Variants in PRKN observed in about 807,000 individuals in gnomAD.
The protein encoded by PRKN is parkin RBR E3 ubiquitin protein ligase.
Under a neutral mutation model 59.5 loss-of-function variants are expected in PRKN, and 56 were observed. The ratio of observed to expected loss-of-function variants is 0.94; its 90% CI spans 0.76 to 1.18. PRKN has a LOEUF of 1.18. Ranked by LOEUF, PRKN falls within the 50% of genes most tolerant of loss-of-function variation. PRKN has a pLI of 0.00. For missense variants in PRKN, 657 were observed against 596.4 expected, an observed-to-expected ratio of 1.10 and a Z score of -1.06; for synonymous variants, 250 against 222.1, an observed-to-expected ratio of 1.13 and a Z score of -1.12.
intron 2 of PRKN, among the ~76,000 whole-genome samples, chr6:162,339,324 C>T (rs1260364121): frequency 7.1e-6 from 1 of 141,310 alleles, no homozygotes; most frequent in African/African-American, 2.6e-5. Context: ...CCAGCCGCGC[C>T]GTCTGGGAGG....
rs530307565 is a variant in PRKN at position 162,566,755 on chromosome 6, G to A, written c.8-123282C>T. Among the ~76,000 whole-genome samples, 4 of 152,224 alleles carry A rather than the reference G, an allele frequency of 2.6e-5. No homozygotes were observed. In the East Asian group the frequency reaches 7.7e-4, roughly 29 times the overall value. Reference sequence around the variant, plus strand: ...ACTCAAACTATTCCAAAAGACAGAGGAGGAGGGAATACTTCCAAACTTGTT... The same window carrying A: ...ACTCAAACTATTCCAAAAGACAGAGAAGGAGGGAATACTTCCAAACTTGTT... On this transcript the variant is annotated intron_variant, in intron 1 of 11. Coordinates refer to ENST00000366898, the MANE Select transcript of PRKN (RefSeq NM_004562.3).
chr6:161,439,300 C>T (rs1425203475), intron 9 of PRKN, among the ~76,000 whole-genome samples: 1 of 152,134 alleles, frequency 6.6e-6, no homozygotes, highest in South Asian at 2.1e-4. Flanking sequence ...ATCAAGAGGG[C>T]AGAGCCGGGA....
In PRKN at chr6:161,733,771, A is replaced by G. The variant is rs1245059190; in HGVS notation, c.871+52001T>C. ...TATTGTTGAAAATTCCCAGGGGGTG[A>G]AAAAAAAAAAAAATATATATATATA... On this transcript the variant is annotated intron_variant, in intron 7 of 11. Coordinates refer to ENST00000366898, the MANE Select transcript of PRKN (RefSeq NM_004562.3). 6.8e-4 allele frequency among the ~76,000 whole-genome samples: 33 copies of G among 48,640 alleles called. No homozygotes were observed. The East Asian group carries it at 0.014, about 20-fold the overall frequency. The allele number at this position is 48,640 out of a possible 152,430, so 31.9% of individuals were successfully genotyped here.
chr6:162,485,686 T>C (rs559322199), intron 1 of PRKN, among the ~76,000 whole-genome samples: 2 of 152,278 alleles, frequency 1.3e-5, no homozygotes, highest in East Asian at 3.9e-4. Flanking sequence ...CCCACTACAC[T>C]TGTCTTTACC....
chr6:161,477,289 G>T lies in PRKN; in HGVS notation c.1083+71565C>A, dbSNP rs13213352. 5.3e-5 allele frequency among the ~76,000 whole-genome samples: 8 copies of T among 152,188 alleles called. No homozygotes were observed. The East Asian group carries it at 1.5e-3, about 29-fold the overall frequency. On this transcript the variant is annotated intron_variant, in intron 9 of 11. Transcript: ENST00000366898. ...TCCCAGCACTTTGGGAGGCCCAGGC[G>T]GGCGGATCACCTGAGGTCGGGAGTT...
At position 162,370,088 on chromosome 6, in the gene PRKN, T is replaced by C. The variant is rs137885335; in HGVS notation, c.171+73222A>G. Among the ~76,000 whole-genome samples the C allele has an allele frequency of 9.2e-5, 14 of 152,326 alleles. No individual in the cohort carries two copies. In the East Asian group the frequency reaches 2.5e-3, roughly 27 times the overall value. On this transcript the variant is annotated intron_variant, in intron 2 of 11. Transcript: ENST00000366898. ...TGGTTTTCTCTATGAAGAAAGCTTT[T>C]CTCTCCATAGAAAAAGCTTAACAGC...
At chr6:161,510,219 G>A (rs1778334992) in intron 9 of PRKN, among the ~76,000 whole-genome samples, 1 of 152,188 alleles carries the variant, frequency 6.6e-6, no homozygotes, top group Admixed American at 6.5e-5. Flanking sequence ...AGATGCAGTG[G>A]CTACTAAAAA....
intron 5 of PRKN, among the ~76,000 whole-genome samples, chr6:161,997,826 C>T (rs186569787): frequency 6.6e-6 from 1 of 152,270 alleles, no homozygotes; most frequent in East Asian, 1.9e-4. Flanking sequence ...TCATCACCAA[C>T]ACCTGGTGCT....
chr6:161,369,135 G>A lies in PRKN; in HGVS notation c.1168-8930C>T, dbSNP rs1785339146. On this transcript the variant is annotated intron_variant, in intron 10 of 11. Coordinates refer to ENST00000366898, the MANE Select transcript of PRKN (RefSeq NM_004562.3). This position sits in a 1 kb window ranked among gnomAD's most constrained non-coding sequence, Gnocchi z 5.8. ...CACTTCCGAGAGGGGATTTCTACCAGGAGGAGCACATCTTTGCTTTGCATC... is the reference window on the plus strand; with the variant it reads ...CACTTCCGAGAGGGGATTTCTACCAAGAGGAGCACATCTTTGCTTTGCATC... 6.6e-6 allele frequency among the ~76,000 whole-genome samples: 1 copy of A among 152,170 alleles called. No homozygotes were observed. The highest frequency in any genetic ancestry group is 6.5e-5 in the Admixed American group (1 of 15,280).
chr6:162,137,827 T>A (rs74652220), intron 4 of PRKN, among the ~76,000 whole-genome samples: 11,578 of 152,240 alleles, frequency 0.076, 483 homozygotes, highest in Middle Eastern at 0.13. Flanking sequence ...CTCTTCACAC[T>A]GTTACAATGG....
chr6:162,341,755 CAG>C (rs1325122864), intron 2 of PRKN, among the ~76,000 whole-genome samples: 3 of 151,472 alleles, frequency 2.0e-5, no homozygotes, highest in Non-Finnish European at 4.4e-5. Flanking sequence ...TGGGGCCTGT[CAG>C]GGGGTGGGGG....
chr6:161,636,893 A>G (rs1269299117), intron 7 of PRKN, among the ~76,000 whole-genome samples: 1 of 152,106 alleles, frequency 6.6e-6, no homozygotes. Context: ...CTGTAAGCAC[A>G]CTGGAGAACT....
At chr6:161,598,399 G>C (rs1217132377) in intron 7 of PRKN, among the ~76,000 whole-genome samples, 2 of 152,158 alleles carry the variant, frequency 1.3e-5, no homozygotes, top group African/African-American at 4.8e-5. Flanking sequence ...TTATAAGAGA[G>C]AGAAAAGACC....
rs375788233 is a variant in PRKN at position 161,410,149 on chromosome 6, G to A, written c.1084-23272C>T. 1.2e-4 allele frequency among the ~76,000 whole-genome samples: 18 copies of A among 152,128 alleles called. No individual in the cohort carries two copies. In the East Asian group the frequency reaches 1.9e-3, roughly 16 times the overall value. On this transcript the variant is annotated intron_variant, in intron 9 of 11. Coordinates refer to ENST00000366898, the MANE Select transcript of PRKN (RefSeq NM_004562.3). The surrounding 1 kb of genome is among the most constrained non-coding windows in gnomAD (Gnocchi z 5.3). ...TGCTGCCCTTGAAGAAGGGGATGGG[G>A]AAGGATTGCATAAGTTGTGGCAGGG...
intron 6 of PRKN, among the ~76,000 whole-genome samples, chr6:161,898,460 C>G (rs2128234266): frequency 6.6e-6 from 1 of 152,304 alleles, no homozygotes. Context: ...CACAACAGTT[C>G]TCCAAATGGA....
At chr6:161,403,371 A>T (rs990645396) in intron 9 of PRKN, among the ~76,000 whole-genome samples, 2 of 152,208 alleles carry the variant, frequency 1.3e-5, no homozygotes, top group African/African-American at 4.8e-5. Context: ...CTAACTCCTT[A>T]TTCTTTGAAA....
At chr6:162,469,016 A>G (rs2128177184) in intron 1 of PRKN, among the ~76,000 whole-genome samples, 1 of 152,232 alleles carries the variant, frequency 6.6e-6, no homozygotes, top group East Asian at 1.9e-4. Flanking sequence ...CAAAATACCA[A>G]CTACATATTT....
intron 1 of PRKN, among the ~76,000 whole-genome samples, chr6:162,687,387 T>C: frequency 6.6e-6 from 1 of 152,044 alleles, no homozygotes; most frequent in Non-Finnish European, 1.5e-5. Flanking sequence ...GGTTTCACCA[T>C]GTTAGCCAGG....
At chr6:161,785,032 C>A (rs1351430420) in intron 7 of PRKN, among the ~76,000 whole-genome samples, 1 of 152,150 alleles carries the variant, frequency 6.6e-6, no homozygotes, top group African/African-American at 2.4e-5. Flanking sequence ...TGTACGATTT[C>A]TTTTATAGGA....
Sources: gnomAD v4.1 joint callset for allele counts (sites outside exome capture counted in the v4.1 genomes callset) on GRCh38, gnomAD v4.1.1 for gene constraint, Gnocchi (gnomAD v3.1) non-coding constraint, MANE v1.5 for transcripts, NCBI Gene and HGNC (gene_info 2026-07-23, HGNC 2026-07-21) for gene names.